Variants in GNG7 observed in about 807,000 individuals in gnomAD.
GNG7 encodes the protein G protein subunit gamma 7.
A neutral mutation model predicts 4.0 loss-of-function variants in GNG7; 1 was observed. The ratio of observed to expected loss-of-function variants is 0.25; its 90% CI spans 0.09 to 1.18. The LOEUF is 1.18. GNG7 is among the 50% of genes most tolerant of loss of function. The probability of loss-of-function intolerance (pLI) is 0.50; values close to 1 mark genes in which losing one functional copy is unlikely to be tolerated. For synonymous variants in GNG7, 34 were observed against 36.9 expected (o/e 0.92, Z 0.29); for missense variants, 86 against 91.9 (o/e 0.94, Z 0.26).
chr19:2,515,061 C>T lies in GNG7; in HGVS notation c.168G>A (p.Glu56=). ...AAGGTTTCTTGTCCTTAAAGGGGTT[C>T]TCCGAGGCAGGGACTCCGACCAGCA... is the stretch of plus-strand genomic sequence containing the variant. ...DPLLVGVPAS[E]NPFKDKKPCI... Residue 56 remains glutamate (E), a synonymous_variant, in exon 5 of 5, where the codon GAG becomes GAA. Transcript: ENST00000382159. The T allele has an allele frequency of 6.2e-7, 1 of 1,614,036 alleles. No homozygotes were observed. Among genetic ancestry groups the T allele is most frequent in the Non-Finnish European group, 8.5e-7 (1 of 1,179,938 alleles).
chr19:2,651,358 CCCTTCCCTCCATCCCTCCCTCCCTCCCTT>C, intron 1 of GNG7, among the ~76,000 whole-genome samples: 1 of 14,880 alleles, frequency 6.7e-5, no homozygotes, highest in African/African-American at 3.5e-4. Context: ...CTCCCTCCCT[CCCTTCCCTCCATCCCTCCCTCCCTCCCTT>C]CCCTCCATCC....
At chr19:2,593,071 G>GA (rs546225347) in intron 2 of GNG7, among the ~76,000 whole-genome samples, 17 of 110,286 alleles carry the variant, frequency 1.5e-4, no homozygotes, top group East Asian at 2.0e-4. Context: ...AGGGAGGGAG[G>GA]AAAAAAAAAG....
At chr19:2,661,569 A>G (rs1983179531) in intron 1 of GNG7, among the ~76,000 whole-genome samples, 1 of 149,550 alleles carries the variant, frequency 6.7e-6, no homozygotes, top group Non-Finnish European at 1.5e-5. Flanking sequence ...GCTACTCGGG[A>G]GGCTGAGGCA....
chr19:2,656,331 C>T (rs1416402126), intron 1 of GNG7, among the ~76,000 whole-genome samples: 5 of 152,212 alleles, frequency 3.3e-5, no homozygotes, highest in African/African-American at 4.8e-5. Context: ...AGGCCGGGTG[C>T]GGTGGCTCAC....
At chr19:2,664,323 C>T (rs1219872201) in intron 1 of GNG7, among the ~76,000 whole-genome samples, 3 of 152,236 alleles carry the variant, frequency 2.0e-5, no homozygotes, top group Non-Finnish European at 4.4e-5. Flanking sequence ...AAATATGTCA[C>T]CAGCAAAGTG....
chr19:2,655,966 A>C (rs1568275861), intron 1 of GNG7, among the ~76,000 whole-genome samples: 1 of 149,330 alleles, frequency 6.7e-6, no homozygotes, highest in Non-Finnish European at 1.5e-5. Context: ...CAGAGGTTGC[A>C]GTGAGCCAGG....
intron 2 of GNG7, among the ~76,000 whole-genome samples, chr19:2,606,057 G>A (rs544329973): frequency 6.6e-6 from 1 of 152,214 alleles, no homozygotes; most frequent in South Asian, 2.1e-4. Context: ...CCCCGCAGTC[G>A]GGCAAGCTTC....
At chr19:2,664,132 G>A (rs1230497259) in intron 1 of GNG7, among the ~76,000 whole-genome samples, 3 of 152,156 alleles carry the variant, frequency 2.0e-5, no homozygotes, top group Non-Finnish European at 4.4e-5. Flanking sequence ...TCCTCCTCTG[G>A]GAACTGAGTG....
At chr19:2,650,183 C>CTTTTTTTTTTTTTTTT (rs529803793) in intron 1 of GNG7, among the ~76,000 whole-genome samples, 1 of 126,006 alleles carries the variant, frequency 7.9e-6, no homozygotes, top group African/African-American at 3.2e-5. Context: ...TCATAGGAAT[C>CTTTTTTTTTTTTTTTT]TTTTTTTTTT....
intron 1 of GNG7, among the ~76,000 whole-genome samples, chr19:2,648,767 T>G (rs1454500827): frequency 6.6e-6 from 1 of 151,840 alleles, no homozygotes; most frequent in Non-Finnish European, 1.5e-5. Flanking sequence ...GGATGAGTGA[T>G]GAAAGGGCTG....
chr19:2,513,561 G>T lies in GNG7; in HGVS notation c.*1461C>A. 1.0e-6 allele frequency: 1 copy of T among 985,520 alleles called. No individual in the cohort carries two copies. Among genetic ancestry groups the T allele is most frequent in the Non-Finnish European group, 1.2e-6 (1 of 830,008 alleles). The allele number at this position is 985,520 out of a possible 1,614,324, so 61.0% of individuals were successfully genotyped here. On this transcript the variant is annotated 3_prime_UTR_variant, in exon 5 of 5. Coordinates refer to ENST00000382159, the MANE Select transcript of GNG7 (RefSeq NM_052847.3). ...TTCGATTTCCACTTGCCGCTGGGAG[G>T]AGTGGCCCATCCTGCGTCTAAGGCA...
intron 2 of GNG7, among the ~76,000 whole-genome samples, chr19:2,615,144 G>C (rs60081981): frequency 0.24 from 35,874 of 151,944 alleles, 8,312 homozygotes; most frequent in African/African-American, 0.61. Context: ...TGTCTGGTCT[G>C]AAGGTGCCAT....
intron 1 of GNG7, among the ~76,000 whole-genome samples, chr19:2,699,804 C>T (rs902812391): frequency 9.2e-5 from 14 of 152,168 alleles, no homozygotes; most frequent in African/African-American, 2.7e-4. Context: ...CCCAAATGTC[C>T]GCAGCGCTGG....
intron 1 of GNG7, among the ~76,000 whole-genome samples, chr19:2,651,507 G>GTCTCTCTCTTTTC (rs150518174): frequency 7.4e-6 from 1 of 135,498 alleles, no homozygotes. Flanking sequence ...GTCTTCCTTT[G>GTCTCTCTCTTTTC]TCTCTCTCTT....
At chr19:2,553,396 A>ATATG (rs1979401497) in intron 3 of GNG7, among the ~76,000 whole-genome samples, 1 of 128,806 alleles carries the variant, frequency 7.8e-6, no homozygotes, top group Non-Finnish European at 1.6e-5. Flanking sequence ...ATATATATAT[A>ATATG]CATATATATA....
intron 2 of GNG7, among the ~76,000 whole-genome samples, chr19:2,624,941 T>G (rs576766395): frequency 6.6e-6 from 1 of 152,290 alleles, no homozygotes; most frequent in African/African-American, 2.4e-5. Flanking sequence ...ACAGAAGCCA[T>G]CTCCTGGCTG....
At chr19:2,657,743 T>C (rs1983034051) in intron 1 of GNG7, among the ~76,000 whole-genome samples, 1 of 152,026 alleles carries the variant, frequency 6.6e-6, no homozygotes, top group African/African-American at 2.4e-5. Context: ...AAGTTGCAAA[T>C]CTAGTCCAAC....
At chr19:2,564,213 A>G (rs1017455652) in intron 2 of GNG7, among the ~76,000 whole-genome samples, 5 of 152,268 alleles carry the variant, frequency 3.3e-5, no homozygotes, top group South Asian at 4.1e-4. Context: ...GGAAGATGAT[A>G]CGGATCTTGG....
At chr19:2,607,898 G>A (rs753208696) in intron 2 of GNG7, among the ~76,000 whole-genome samples, 16 of 151,678 alleles carry the variant, frequency 1.1e-4, no homozygotes, top group Middle Eastern at 3.4e-3. Flanking sequence ...ACAGCAATAC[G>A]TTCAGGCGAC....
Sources: gnomAD v4.1 joint callset for allele counts (sites outside exome capture counted in the v4.1 genomes callset) on GRCh38, gnomAD v4.1.1 for gene constraint, MANE v1.5 for transcripts, NCBI Gene and HGNC (gene_info 2026-07-23, HGNC 2026-07-21) for gene names.